Variants in KHDRBS2 observed in about 807,000 individuals in gnomAD.
The protein encoded by KHDRBS2 is KH domain-containing, RNA-binding, signal transduction-associated protein 2.
Under a neutral mutation model 44.3 loss-of-function variants are expected in KHDRBS2, and 26 were observed. That is an observed-to-expected ratio of 0.59 (90% CI 0.43 to 0.81). KHDRBS2 has a LOEUF of 0.81. Among genes scored for constraint, KHDRBS2 ranks in the 40% least tolerant of loss-of-function variants. The pLI is 0.00. For synonymous variants in KHDRBS2, 194 were observed against 151.1 expected, an observed-to-expected ratio of 1.28 and a Z score of -2.08; for missense variants, 476 against 433.1, an observed-to-expected ratio of 1.10 and a Z score of -0.88.
At chr6:61,556,436 A>T in the KHDRBS2 span, among the ~76,000 whole-genome samples, 1 of 152,206 alleles carries the variant, frequency 6.6e-6, no homozygotes, top group South Asian at 2.1e-4. Context: ...TCACAATTCT[A>T]ATTTTTACTC....
chr6:61,745,896 T>G (rs1776790932), intron 6 of KHDRBS2, among the ~76,000 whole-genome samples: 1 of 152,124 alleles, frequency 6.6e-6, no homozygotes. Flanking sequence ...TAAAAATACT[T>G]GATAATTGTG....
At chr6:61,903,066 C>A (rs896393532) in intron 4 of KHDRBS2, among the ~76,000 whole-genome samples, 1 of 152,168 alleles carries the variant, frequency 6.6e-6, no homozygotes, top group African/African-American at 2.4e-5. Flanking sequence ...ATTATAGTTT[C>A]TAACAAGCCA....
At chr6:62,073,474 AT>A (rs1795658123) in intron 2 of KHDRBS2, among the ~76,000 whole-genome samples, 1 of 137,944 alleles carries the variant, frequency 7.2e-6, no homozygotes, top group African/African-American at 2.7e-5. Context: ...TTGTTTGCTA[AT>A]TTTGCTCATC....
chr6:62,282,734 T>C (rs1302640272), intron 1 of KHDRBS2, among the ~76,000 whole-genome samples: 6 of 152,250 alleles, frequency 3.9e-5, no homozygotes, highest in South Asian at 2.1e-4. Context: ...TAGGAAAGAA[T>C]GAAAAAAGTT....
intron 6 of KHDRBS2, among the ~76,000 whole-genome samples, chr6:61,743,184 A>G (rs1192660905): frequency 6.6e-6 from 1 of 152,162 alleles, no homozygotes; most frequent in Admixed American, 6.6e-5. Flanking sequence ...CACCATTCAT[A>G]AACATATATA....
chr6:62,068,755 T>G (rs1401280267), intron 2 of KHDRBS2, among the ~76,000 whole-genome samples: 1 of 151,630 alleles, frequency 6.6e-6, no homozygotes, highest in Non-Finnish European at 1.5e-5. Context: ...AAAACACTAT[T>G]CTTTACCTAT....
intron 6 of KHDRBS2, among the ~76,000 whole-genome samples, chr6:61,797,166 A>G (rs1785483741): frequency 6.6e-6 from 1 of 152,128 alleles, no homozygotes; most frequent in African/African-American, 2.4e-5. Flanking sequence ...CACAAAAAGG[A>G]GGAAAGCGGA....
intron 4 of KHDRBS2, among the ~76,000 whole-genome samples, chr6:61,953,994 A>G (rs1765342954): frequency 6.6e-6 from 1 of 152,212 alleles, no homozygotes; most frequent in African/African-American, 2.4e-5. Flanking sequence ...AGATGGTGAT[A>G]CAAACATGAC....
intron 6 of KHDRBS2, among the ~76,000 whole-genome samples, chr6:61,809,633 C>T (rs1357266374): frequency 2.6e-5 from 4 of 152,090 alleles, no homozygotes; most frequent in African/African-American, 9.7e-5. Flanking sequence ...TTTTATTAAG[C>T]TTTGCAAACC....
At chr6:61,722,308 A>T (rs191835367) in intron 7 of KHDRBS2, among the ~76,000 whole-genome samples, 8 of 152,206 alleles carry the variant, frequency 5.3e-5, no homozygotes, top group African/African-American at 9.6e-5. Flanking sequence ...ACCTTTTCTG[A>T]TTCATTTGAA....
Position 62,177,320 on chromosome 6 carries a change from A to C in KHDRBS2, c.92-8T>G. 6.3e-7 allele frequency: 1 copy of C among 1,581,114 alleles called. No individual in the cohort carries two copies. The highest frequency in any genetic ancestry group is 8.6e-7 in the Non-Finnish European group (1 of 1,159,438). ...CTTGAAACTTTTCAATTTCTGGAAG[A>C]AAATCACAAGAAGAAAACAAGTGAA... On this transcript the variant is annotated splice_region_variant and splice_polypyrimidine_tract_variant and intron_variant, in intron 1 of 8. Transcript: ENST00000281156.
Position 61,698,984 on chromosome 6 carries a change from A to G in KHDRBS2, c.894-1731T>C, listed in dbSNP as rs184687259. Among the ~76,000 whole-genome samples, 31 of 152,216 alleles carry G rather than the reference A, an allele frequency of 2.0e-4. No individual in the cohort carries two copies. The South Asian group carries it at 3.7e-3, about 18-fold the overall frequency. Reference sequence around the variant, plus strand: ...TAGCATTCATTGATCATCACCATACATATTATATAAACAAACACACAAACA... The same window carrying G: ...TAGCATTCATTGATCATCACCATACGTATTATATAAACAAACACACAAACA... On this transcript the variant is annotated intron_variant, in intron 7 of 8. Coordinates refer to ENST00000281156, the MANE Select transcript of KHDRBS2 (RefSeq NM_152688.4).
the KHDRBS2 span, among the ~76,000 whole-genome samples, chr6:61,660,295 T>C: frequency 6.6e-6 from 1 of 151,824 alleles, no homozygotes; most frequent in South Asian, 2.1e-4. Context: ...GAGAAGATAC[T>C]GTTTTCTTCC....
intron 1 of KHDRBS2, among the ~76,000 whole-genome samples, chr6:62,211,812 A>G (rs1355958095): frequency 1.3e-5 from 2 of 152,172 alleles, no homozygotes; most frequent in African/African-American, 4.8e-5. Flanking sequence ...CTGGGTATAT[A>G]CCCAAAGGAA....
chr6:61,722,415 C>T (rs1422040519), intron 7 of KHDRBS2, among the ~76,000 whole-genome samples: 1 of 152,066 alleles, frequency 6.6e-6, no homozygotes, highest in Non-Finnish European at 1.5e-5. Context: ...AGGATTGTTA[C>T]CTTGTGAACC....
At chr6:61,954,379 GCATGCATACATATATACGTATGTA>G (rs1765519563) in intron 4 of KHDRBS2, among the ~76,000 whole-genome samples, 1 of 63,246 alleles carries the variant, frequency 1.6e-5, no homozygotes, top group Non-Finnish European at 3.7e-5. Context: ...ACGTATGTAT[GCATGCATACATATATACGTATGTA>G]TGCATGCATA....
chr6:61,901,428 G>GAA, intron 4 of KHDRBS2, 57 bp from the exon 5 acceptor site: 3 of 1,268,808 alleles, frequency 2.4e-6, no homozygotes, highest in South Asian at 1.7e-5. Flanking sequence ...TCTCAGAGTT[G>GAA]GAAAAAAAAA....
intron 1 of KHDRBS2, among the ~76,000 whole-genome samples, chr6:62,184,322 C>T (rs971132631): frequency 2.6e-5 from 4 of 151,652 alleles, no homozygotes; most frequent in South Asian, 2.1e-4. Flanking sequence ...TTGATACTCA[C>T]GAGAAAGATA....
intron 3 of KHDRBS2, among the ~76,000 whole-genome samples, chr6:61,999,234 T>C (rs1290462061): frequency 6.6e-6 from 1 of 152,104 alleles, no homozygotes; most frequent in Non-Finnish European, 1.5e-5. Context: ...AATAAAAGCA[T>C]CCTCGAGTGA....
Sources: allele counts gnomAD v4.1 joint callset (sites outside exome capture counted in the v4.1 genomes callset), GRCh38; gene constraint gnomAD v4.1.1; transcripts MANE v1.5; gene names NCBI Gene and HGNC (gene_info 2026-07-23, HGNC 2026-07-21).